The following SH3RF3 variants were observed in gnomAD, a reference collection of about 807,000 sequenced individuals.
The protein encoded by SH3RF3 is SH3 domain containing ring finger 3.
A neutral mutation model predicts 66.3 loss-of-function variants in SH3RF3; 29 were observed. The ratio of observed to expected loss-of-function variants is 0.44; its 90% confidence interval spans 0.33 to 0.60. SH3RF3 has a LOEUF of 0.60. Ranked by LOEUF, SH3RF3 falls within the 20% of genes least tolerant of loss-of-function variation. The probability of loss-of-function intolerance (pLI) is 0.04; values close to 1 mark genes in which losing one functional copy is unlikely to be tolerated. For synonymous variants in SH3RF3, 583 were observed against 532.0 expected (o/e 1.10, Z -1.32); for missense variants, 1,194 against 1,190.9 (o/e 1.00, Z -0.04).
At chr2:109,240,855 C>G (rs1434388899) in intron 1 of SH3RF3, among the ~76,000 whole-genome samples, 1 of 150,954 alleles carries the variant, frequency 6.6e-6, no homozygotes, top group Non-Finnish European at 1.5e-5. Context: ...CACCCCCACC[C>G]CTGCCCTTGG....
At chr2:109,494,399 C>T (rs1679202366) in intron 9 of SH3RF3, among the ~76,000 whole-genome samples, 1 of 152,180 alleles carries the variant, frequency 6.6e-6, no homozygotes, top group African/African-American at 2.4e-5. Context: ...TGCCCCCTCC[C>T]CTCAACATGG....
At chr2:109,135,222 T>C (rs547180183) in intron 1 of SH3RF3, among the ~76,000 whole-genome samples, 1 of 152,294 alleles carries the variant, frequency 6.6e-6, no homozygotes, top group South Asian at 2.1e-4. Flanking sequence ...GTTACACCCC[T>C]GGGGACAGTG....
At chr2:109,414,272 T>C (rs4676291) in intron 4 of SH3RF3, among the ~76,000 whole-genome samples, 43,259 of 152,148 alleles carry the variant, frequency 0.28, 7,662 homozygotes, top group Non-Finnish European at 0.39. Flanking sequence ...GACTGCTTTA[T>C]AGCCTGTGGG....
chr2:109,300,111 T>G lies in SH3RF3; in HGVS notation c.574-47563T>G, dbSNP rs1408841773. On this transcript the variant is annotated intron_variant, in intron 1 of 9. Coordinates refer to ENST00000309415, the MANE Select transcript of SH3RF3 (RefSeq NM_001099289.3). ...AGCAAGGATAAGAGAGGTGGACATT[T>G]GATGACAGCTAGGTGCATGTGTCCC... Among the ~76,000 whole-genome samples the G allele has an allele frequency of 2.6e-5, 4 of 152,286 alleles. No individual in the cohort carries two copies. In the South Asian group the frequency reaches 6.2e-4, roughly 24 times the overall value.
intron 1 of SH3RF3, among the ~76,000 whole-genome samples, chr2:109,225,058 C>T (rs1558967876): frequency 2.0e-5 from 3 of 152,090 alleles, no homozygotes; most frequent in Admixed American, 6.5e-5. Flanking sequence ...AGCTTTTTGA[C>T]ACCTGGCCTG....
chr2:109,192,399 A>G (rs1210155495), intron 1 of SH3RF3, among the ~76,000 whole-genome samples: 1 of 152,234 alleles, frequency 6.6e-6, no homozygotes, highest in Non-Finnish European at 1.5e-5. Flanking sequence ...TTTATAGCAT[A>G]TGTTACTCAT....
At chr2:109,294,542 T>C (rs1483137302) in intron 1 of SH3RF3, among the ~76,000 whole-genome samples, 4 of 134,656 alleles carry the variant, frequency 3.0e-5, no homozygotes, top group African/African-American at 8.5e-5. Flanking sequence ...GCTTGTGTGA[T>C]AGAGGGAGAC....
chr2:109,461,931 C>T (rs1038248802), intron 8 of SH3RF3, among the ~76,000 whole-genome samples: 1 of 152,134 alleles, frequency 6.6e-6, no homozygotes, highest in African/African-American at 2.4e-5. Context: ...AAGAGCCCCA[C>T]TCACCTTTTT....
At chr2:109,296,993 C>T (rs1352934827) in intron 1 of SH3RF3, among the ~76,000 whole-genome samples, 1 of 152,146 alleles carries the variant, frequency 6.6e-6, no homozygotes, top group Admixed American at 6.5e-5. Flanking sequence ...CTCCTCCATT[C>T]CTGTAGCATT....
At chr2:109,483,362 T>C (rs1449656485) in intron 8 of SH3RF3, among the ~76,000 whole-genome samples, 1 of 152,188 alleles carries the variant, frequency 6.6e-6, no homozygotes, top group Non-Finnish European at 1.5e-5. Context: ...GTCCCAGGCC[T>C]CTGGCCAGGT....
intron 8 of SH3RF3, among the ~76,000 whole-genome samples, chr2:109,488,756 C>T (rs370632480): frequency 1.6e-4 from 24 of 152,234 alleles, no homozygotes; most frequent in African/African-American, 5.5e-4. Context: ...AGGGCTGCAA[C>T]GAAATCCATG....
chr2:109,398,978 G>C lies in SH3RF3; in HGVS notation c.1299+35G>C, dbSNP rs756503732. 6.4e-6 allele frequency: 10 copies of C among 1,561,456 alleles called. No homozygotes were observed. In the East Asian group the frequency reaches 2.1e-4, roughly 32 times the overall value. ...CGCGGGCCAGGGCAGGCATCCCTGGGTTCTCTGGGGTTCTATCCTCAGCTC... is the reference window on the plus strand; with the variant it reads ...CGCGGGCCAGGGCAGGCATCCCTGGCTTCTCTGGGGTTCTATCCTCAGCTC... On this transcript the variant is annotated intron_variant, in intron 4 of 9. Transcript: ENST00000309415.
At chr2:109,270,839 G>A (rs181613115) in intron 1 of SH3RF3, among the ~76,000 whole-genome samples, 2 of 152,370 alleles carry the variant, frequency 1.3e-5, no homozygotes, top group East Asian at 3.9e-4. Context: ...GTGACAGAGC[G>A]TTGGTAGGAT....
At chr2:109,292,464 G>C (rs913506873) in intron 1 of SH3RF3, among the ~76,000 whole-genome samples, 1 of 152,174 alleles carries the variant, frequency 6.6e-6, no homozygotes, top group African/African-American at 2.4e-5. Flanking sequence ...ATATTTCATA[G>C]CTGTGGAAGA....
chr2:109,477,958 C>G (rs1216293333), intron 8 of SH3RF3, among the ~76,000 whole-genome samples: 1 of 152,204 alleles, frequency 6.6e-6, no homozygotes, highest in Non-Finnish European at 1.5e-5. Context: ...CCTGCCTTTG[C>G]TGGAGGGTTC....
chr2:109,314,925 G>A (rs572062724), intron 1 of SH3RF3, among the ~76,000 whole-genome samples: 58 of 152,262 alleles, frequency 3.8e-4, no homozygotes, highest in African/African-American at 1.4e-3. Context: ...AAGAAACTTC[G>A]TCTCCCCGTA....
At chr2:109,478,367 A>C (rs1678743395) in intron 8 of SH3RF3, among the ~76,000 whole-genome samples, 1 of 152,140 alleles carries the variant, frequency 6.6e-6, no homozygotes, top group Non-Finnish European at 1.5e-5. Flanking sequence ...CTCAATTCCC[A>C]GTTACGTCTT....
At chr2:109,298,064 C>T (rs1367414970) in intron 1 of SH3RF3, among the ~76,000 whole-genome samples, 2 of 152,190 alleles carry the variant, frequency 1.3e-5, no homozygotes, top group Non-Finnish European at 1.5e-5. Context: ...GGATGTTCTG[C>T]ACTGGAGGTG....
intron 1 of SH3RF3, among the ~76,000 whole-genome samples, chr2:109,233,202 C>A (rs891172486): frequency 6.6e-6 from 1 of 152,176 alleles, no homozygotes; most frequent in Non-Finnish European, 1.5e-5. Flanking sequence ...ACACCTTGTC[C>A]TCTTGGTACC....
Sources: gnomAD v4.1 joint callset for allele counts (sites outside exome capture counted in the v4.1 genomes callset) on GRCh38, gnomAD v4.1.1 for gene constraint, MANE v1.5 for transcripts, NCBI Gene and HGNC (gene_info 2026-07-23, HGNC 2026-07-21) for gene names.